Variants in RSU1 observed in about 807,000 individuals in gnomAD.
RSU1 encodes Ras suppressor protein 1.
Under a neutral mutation model 31.1 loss-of-function variants are expected in RSU1, and 26 were observed. The observed-to-expected ratio is 0.84, with a 90% confidence interval of 0.61 to 1.16. RSU1 has a LOEUF of 1.16. RSU1 is among the 50% of genes most tolerant of loss of function. RSU1 has a pLI of 0.00. For missense variants in RSU1, 320 were observed against 339.1 expected (o/e 0.94, Z 0.44); for synonymous variants, 164 against 136.3 (o/e 1.20, Z -1.41).
At chr10:16,685,293 T>C (rs908402309) in intron 8 of RSU1, among the ~76,000 whole-genome samples, 1 of 152,068 alleles carries the variant, frequency 6.6e-6, no homozygotes, top group Non-Finnish European at 1.5e-5. Context: ...AATGAACTGT[T>C]ACAGGAAAGG....
chr10:16,596,041 A>G (rs1026953984), intron 8 of RSU1, among the ~76,000 whole-genome samples: 1 of 152,032 alleles, frequency 6.6e-6, no homozygotes, highest in African/African-American at 2.4e-5. Context: ...CACTTTTAAA[A>G]GGGTCACGGG....
At chr10:16,811,559 G>A (rs368407674) in intron 2 of RSU1, among the ~76,000 whole-genome samples, 45 of 152,278 alleles carry the variant, frequency 3.0e-4, no homozygotes, top group African/African-American at 1.1e-3. Flanking sequence ...AGCCACCAGG[G>A]CCACTAGAGC....
intron 8 of RSU1, among the ~76,000 whole-genome samples, chr10:16,653,711 G>C (rs1834724877): frequency 6.6e-6 from 1 of 151,982 alleles, no homozygotes; most frequent in African/African-American, 2.4e-5. Flanking sequence ...TTTGATTGAA[G>C]CCAGCTGTAC....
chr10:16,631,628 A>C (rs1226049189), intron 8 of RSU1, among the ~76,000 whole-genome samples: 1 of 152,226 alleles, frequency 6.6e-6, no homozygotes, highest in Non-Finnish European at 1.5e-5. Context: ...TCACTCAATC[A>C]TTATGCTTAC....
chr10:16,688,062 G>A (rs769965566), intron 8 of RSU1, among the ~76,000 whole-genome samples: 3 of 152,072 alleles, frequency 2.0e-5, no homozygotes, highest in Non-Finnish European at 4.4e-5. Context: ...CTTTTATTCA[G>A]TAGAATAAAC....
chr10:16,683,123 T>C (rs1051669919), intron 8 of RSU1, among the ~76,000 whole-genome samples: 2 of 144,960 alleles, frequency 1.4e-5, no homozygotes, highest in South Asian at 4.4e-4. Context: ...AATAACATGA[T>C]GTTGAAACCC....
rs1304757407 is a variant in RSU1 at position 16,752,519 on chromosome 10, T to A, written c.598+20A>T. 3 of 1,554,512 alleles carry A rather than the reference T, an allele frequency of 1.9e-6. No homozygotes were observed. The highest frequency in any genetic ancestry group is 2.7e-6 in the Non-Finnish European group (3 of 1,126,194). On this transcript the variant is annotated intron_variant, in intron 7 of 8. Transcript: ENST00000345264. ...TTATTCATGAAACCCAGAACTAAGT[T>A]CATTCATCAGCAACCTTACCTAGTT...
At chr10:16,672,994 G>A (rs1835141120) in intron 8 of RSU1, among the ~76,000 whole-genome samples, 1 of 152,154 alleles carries the variant, frequency 6.6e-6, no homozygotes, top group Admixed American at 6.5e-5. Context: ...CTGTTTCCAG[G>A]GCCAGGCTTA....
At position 16,756,586 on chromosome 10, in the gene RSU1, T is replaced by C. The variant is rs137902989; in HGVS notation, c.282-1597A>G. On this transcript the variant is annotated intron_variant, in intron 4 of 8. Coordinates refer to ENST00000345264, the MANE Select transcript of RSU1 (RefSeq NM_012425.4). ...CGACTTTCTTAATAACATTTTCTTTTCTCTAGCTTACTTTATTGTAAGAAT... is the reference window on the plus strand; with the variant it reads ...CGACTTTCTTAATAACATTTTCTTTCCTCTAGCTTACTTTATTGTAAGAAT... Among the ~76,000 whole-genome samples, 372 of 152,342 alleles carry C rather than the reference T, an allele frequency of 2.4e-3. 2 individuals carry two copies. The highest frequency in any genetic ancestry group is 8.3e-3 in the African/African-American group (347 of 41,574).
chr10:16,674,835 C>T (rs1835195824), intron 8 of RSU1, among the ~76,000 whole-genome samples: 1 of 152,026 alleles, frequency 6.6e-6, no homozygotes, highest in Admixed American at 6.6e-5. Flanking sequence ...GAGTTCGAGA[C>T]CAGCCTGGCT....
rs77128615 is a variant in RSU1, at chr10:16,642,479, T to C, written c.732-48983A>G. 2.5e-4 allele frequency among the ~76,000 whole-genome samples: 38 copies of C among 152,308 alleles called. No homozygotes were observed. In the East Asian group the frequency reaches 7.3e-3, roughly 29 times the overall value. ...TTCCTATCAGTGATTTTTCATAGAC[T>C]GTCTGCTGCATGCTGGGGGAAGAGC... is the stretch of plus-strand genomic sequence containing the variant. On this transcript the variant is annotated intron_variant, in intron 8 of 8. Transcript: ENST00000345264.
chr10:16,727,194 C>T (rs960991120), intron 7 of RSU1: 4 of 455,250 alleles, frequency 8.8e-6, no homozygotes, highest in Middle Eastern at 6.5e-4. Flanking sequence ...AGAGTGGACT[C>T]ACCTGGGCGG....
chr10:16,719,187 A>T (rs1836205672), intron 7 of RSU1, among the ~76,000 whole-genome samples: 1 of 152,018 alleles, frequency 6.6e-6, no homozygotes, highest in Non-Finnish European at 1.5e-5. Flanking sequence ...GCATGCCTCT[A>T]GTCCCAGCTA....
At chr10:16,652,169 T>C (rs780540956) in intron 8 of RSU1, among the ~76,000 whole-genome samples, 11 of 151,942 alleles carry the variant, frequency 7.2e-5, no homozygotes, top group Non-Finnish European at 1.0e-4. Context: ...TGCTAAACTG[T>C]AAAATAGATT....
chr10:16,678,180 C>T (rs1370716818), intron 8 of RSU1, among the ~76,000 whole-genome samples: 1 of 152,102 alleles, frequency 6.6e-6, no homozygotes, highest in African/African-American at 2.4e-5. Flanking sequence ...CAAAACAAAC[C>T]CAACGTAGAA....
At chr10:16,664,656 G>A (rs1337271267) in intron 8 of RSU1, among the ~76,000 whole-genome samples, 1 of 152,312 alleles carries the variant, frequency 6.6e-6, no homozygotes, top group East Asian at 1.9e-4. Context: ...CCTACGCAAA[G>A]AGAGGTCATT....
At position 16,771,913 on chromosome 10, in the gene RSU1, C is replaced by T. The variant is rs113020065; in HGVS notation, c.161-7403G>A. Among the ~76,000 whole-genome samples the T allele has an allele frequency of 3.9e-5, 6 of 152,304 alleles. 1 individual carries two copies. Among genetic ancestry groups the T allele is most frequent in the African/African-American group, 1.4e-4 (6 of 41,566 alleles). On this transcript the variant is annotated intron_variant, in intron 3 of 8. Transcript: ENST00000345264. The stretch of plus-strand genomic sequence containing the variant: ...AAATAGCAAAGTATCTAAGCATCTA[C>T]GCCAAGAAAGGCCAACATCCTCCAA...
intron 4 of RSU1, among the ~76,000 whole-genome samples, chr10:16,762,995 CA>C (rs11341912): frequency 0.34 from 45,189 of 131,142 alleles, 7,760 homozygotes; most frequent in African/African-American, 0.55. Context: ...GACTCTGTCT[CA>C]AAAAAAAAAA....
chr10:16,643,801 C>T (rs1352589827), intron 8 of RSU1, among the ~76,000 whole-genome samples: 1 of 151,970 alleles, frequency 6.6e-6, no homozygotes, highest in Non-Finnish European at 1.5e-5. Context: ...ATATTCAGCC[C>T]TTCATGTCTG....
Sources: allele counts gnomAD v4.1 joint callset (sites outside exome capture counted in the v4.1 genomes callset), GRCh38; gene constraint gnomAD v4.1.1; transcripts MANE v1.5; gene names NCBI Gene and HGNC (gene_info 2026-07-23, HGNC 2026-07-21).